The following NAALADL2 variants were observed in gnomAD, a reference collection of about 807,000 sequenced individuals.
The protein encoded by NAALADL2 is inactive N-acetylated-alpha-linked acidic dipeptidase-like protein 2.
In NAALADL2, 76 loss-of-function variants were observed where a neutral mutation model predicts 87.2. The observed-to-expected ratio is 0.87, with a 90% CI of 0.72 to 1.05. The LOEUF is 1.05. Among genes scored for constraint, NAALADL2 ranks in the 50% least tolerant of loss-of-function variants. The pLI is 0.00. For missense variants in NAALADL2, 1,089 were observed against 945.8 expected (o/e 1.15, Z -1.99); for synonymous variants, 354 against 331.0 (o/e 1.07, Z -0.75).
At position 175,234,101 on chromosome 3, in the gene NAALADL2, G is replaced by T; in HGVS notation, c.716G>T (p.Cys239Phe). The T allele has an allele frequency of 6.2e-7, 1 of 1,613,896 alleles. No homozygotes were observed. Among genetic ancestry groups the T allele is most frequent in the South Asian group, 1.1e-5 (1 of 91,084 alleles). ...STVTLSSSGQ[C>F]FHPNGQPCSE... ...GTGACTCTGAGCAGCAGTGGTCAATGCTTTCATCCTAATGGCCAGCCTTGC... is the reference window on the plus strand; with the variant it reads ...GTGACTCTGAGCAGCAGTGGTCAATTCTTTCATCCTAATGGCCAGCCTTGC... Residue 239 changes from cysteine to phenylalanine, a missense_variant, in exon 3 of 14, where the codon TGC becomes TTC. Physicochemically the swap from Cys to Phe is radical, Grantham distance 205. Transcript: ENST00000454872.
chr3:174,992,868 T>A (rs969929253), intron 1 of NAALADL2, among the ~76,000 whole-genome samples: 1 of 152,140 alleles, frequency 6.6e-6, no homozygotes, highest in African/African-American at 2.4e-5. Context: ...CACAGAACTG[T>A]GTGAATAACA....
chr3:174,548,047 C>G (rs1288715780), intron 1 of NAALADL2, among the ~76,000 whole-genome samples: 1 of 152,108 alleles, frequency 6.6e-6, no homozygotes, highest in African/African-American at 2.4e-5. Context: ...GAGTATGTAT[C>G]AACAGCTTTT....
At chr3:174,804,747 T>A (rs1009296429) in intron 3 of NAALADL2, among the ~76,000 whole-genome samples, 1 of 152,090 alleles carries the variant, frequency 6.6e-6, no homozygotes, top group African/African-American at 2.4e-5. Flanking sequence ...AAATCTAAAA[T>A]CTATACAGTA....
intron 1 of NAALADL2, among the ~76,000 whole-genome samples, chr3:174,990,153 A>G (rs1746519716): frequency 6.6e-6 from 1 of 152,170 alleles, no homozygotes. Flanking sequence ...ATGCCACACT[A>G]CATCCTTTGA....
At chr3:174,610,150 T>G (rs1328467273) in intron 2 of NAALADL2, among the ~76,000 whole-genome samples, 2 of 147,284 alleles carry the variant, frequency 1.4e-5, no homozygotes, top group African/African-American at 2.5e-5. Flanking sequence ...TTACACTTTA[T>G]ACAAAAATTA....
intron 9 of NAALADL2, among the ~76,000 whole-genome samples, chr3:175,513,044 C>CATGCTGTTCTGAGCTCA (rs1731371042): frequency 1.3e-5 from 2 of 152,292 alleles, no homozygotes; most frequent in African/African-American, 2.4e-5. Context: ...ACTTATTGAA[C>CATGCTGTTCTGAGCTCA]ATGCTGTTCT....
At chr3:174,710,574 T>A (rs941361647) in intron 2 of NAALADL2, among the ~76,000 whole-genome samples, 1 of 152,012 alleles carries the variant, frequency 6.6e-6, no homozygotes, top group African/African-American at 2.4e-5. Flanking sequence ...CCTTTTAAAA[T>A]TTTTTTCTCT....
At chr3:174,534,899 A>G (rs1251991194) in intron 1 of NAALADL2, among the ~76,000 whole-genome samples, 1 of 152,218 alleles carries the variant, frequency 6.6e-6, no homozygotes, top group African/African-American at 2.4e-5. Flanking sequence ...AGTGGTTCTC[A>G]ATCTTAGCTG....
chr3:174,685,310 A>G (rs497842), intron 2 of NAALADL2, among the ~76,000 whole-genome samples: 125,382 of 152,020 alleles, frequency 0.82, 52,139 homozygotes, highest in African/African-American at 0.93. Flanking sequence ...TCTCATCATC[A>G]TCTTGATTCT....
upstream of NAALADL2, among the ~76,000 whole-genome samples, chr3:174,857,973 A>G (rs987816993): frequency 1.1e-4 from 16 of 151,812 alleles, no homozygotes; most frequent in African/African-American, 3.6e-4. Context: ...CAATTTTTAC[A>G]TTAGTAAGCT....
In NAALADL2 at chr3:175,024,942, T is replaced by G. The variant is rs71312307; in HGVS notation, c.44-71848T>G. Among the ~76,000 whole-genome samples the G allele has an allele frequency of 7.9e-3, 1,202 of 152,232 alleles. 8 individuals carry two copies. Among genetic ancestry groups the G allele is most frequent in the Non-Finnish European group, 0.011 (767 of 67,996 alleles). On this transcript the variant is annotated intron_variant, in intron 1 of 13. Transcript: ENST00000454872. ...CCAGGCATACAAACAGCATTTCATG[T>G]ATAAAATGTTTATTAGATATAAAGG...
intron 3 of NAALADL2, among the ~76,000 whole-genome samples, chr3:175,240,084 C>A (rs754143557): frequency 6.6e-6 from 1 of 151,866 alleles, no homozygotes; most frequent in Non-Finnish European, 1.5e-5. Context: ...AAGACAAATA[C>A]GAATCATTAG....
At chr3:174,839,267 G>T (rs1000243092) in intron 3 of NAALADL2, among the ~76,000 whole-genome samples, 3 of 152,146 alleles carry the variant, frequency 2.0e-5, no homozygotes, top group African/African-American at 7.2e-5. Context: ...TCAACAAATG[G>T]TACTGGGATA....
upstream of NAALADL2, among the ~76,000 whole-genome samples, chr3:174,856,822 C>T (rs974882291): frequency 6.6e-6 from 1 of 151,954 alleles, no homozygotes; most frequent in Non-Finnish European, 1.5e-5. Flanking sequence ...CTAGTTTAAG[C>T]TGTCACACCT....
At chr3:174,836,950 A>G (rs185700452) in intron 3 of NAALADL2, among the ~76,000 whole-genome samples, 1 of 152,232 alleles carries the variant, frequency 6.6e-6, no homozygotes, top group East Asian at 1.9e-4. Flanking sequence ...TAAGATAGAA[A>G]AAAAATAAAA....
At chr3:174,457,513 G>A (rs1715920605) in intron 1 of NAALADL2, among the ~76,000 whole-genome samples, 1 of 152,118 alleles carries the variant, frequency 6.6e-6, no homozygotes, top group Non-Finnish European at 1.5e-5. Context: ...GGAATACAAT[G>A]CAGCCATACA....
At chr3:174,604,911 G>A (rs575767346) in intron 2 of NAALADL2, among the ~76,000 whole-genome samples, 1 of 151,912 alleles carries the variant, frequency 6.6e-6, no homozygotes, top group Non-Finnish European at 1.5e-5. Flanking sequence ...TGGGATTACA[G>A]GCACGCACCA....
intron 9 of NAALADL2, among the ~76,000 whole-genome samples, chr3:175,560,346 A>C (rs774224524): frequency 3.3e-5 from 5 of 152,010 alleles, no homozygotes; most frequent in African/African-American, 1.2e-4. Context: ...ATCTGGCTAA[A>C]GGTTCGACAA....
At chr3:174,685,356 C>G (rs1362001819) in intron 2 of NAALADL2, among the ~76,000 whole-genome samples, 2 of 152,140 alleles carry the variant, frequency 1.3e-5, no homozygotes, top group Non-Finnish European at 2.9e-5. Context: ...AATCTGTTGT[C>G]AAATTCTGAC....
Sources: allele counts gnomAD v4.1 joint callset (sites outside exome capture counted in the v4.1 genomes callset), GRCh38; gene constraint gnomAD v4.1.1; transcripts MANE v1.5; gene names NCBI Gene and HGNC (gene_info 2026-07-23, HGNC 2026-07-21).